Variants in ARIH1 observed in about 807,000 individuals in gnomAD.
ARIH1 encodes the protein E3 ubiquitin-protein ligase ARIH1.
ARIH1 carries 8 observed loss-of-function variants against 85.0 expected under a neutral mutation model. The observed-to-expected ratio is 0.09, with a 90% CI of 0.06 to 0.17. ARIH1 has a LOEUF of 0.17. Ranked by LOEUF, ARIH1 falls within the 10% of genes least tolerant of loss-of-function variation. The probability of loss-of-function intolerance (pLI) is 1.00; values close to 1 mark genes in which losing one functional copy is unlikely to be tolerated. For missense variants in ARIH1, 311 were observed against 718.1 expected (o/e 0.43, Z 6.48); for synonymous variants, 238 against 253.6 (o/e 0.94, Z 0.59).
At chr15:72,531,070 C>T (rs1053293144) in intron 2 of ARIH1, among the ~76,000 whole-genome samples, 1 of 152,144 alleles carries the variant, frequency 6.6e-6, no homozygotes, top group Non-Finnish European at 1.5e-5. Context: ...TCCTAAGATA[C>T]ACAGTTTTTC....
intron 2 of ARIH1, among the ~76,000 whole-genome samples, chr15:72,532,218 A>G (rs1160530374): frequency 6.6e-6 from 1 of 151,966 alleles, no homozygotes; most frequent in African/African-American, 2.4e-5. Flanking sequence ...AGGTTAGGAA[A>G]AAGAGAGATC....
chr15:72,594,748 TACA>T lies in ARIH1; in HGVS notation c.*11457_*11459del, dbSNP rs2064356034. The T allele has an allele frequency of 6.6e-6, 1 of 151,320 alleles. No individual in the cohort carries two copies. Among genetic ancestry groups the T allele is most frequent in the South Asian group, 2.1e-4 (1 of 4,814 alleles). The allele number at this position is 151,320 out of a possible 1,614,324, so 9.4% of individuals were successfully genotyped here. On this transcript the variant is annotated 3_prime_UTR_variant, in exon 14 of 14. Coordinates refer to ENST00000379887, the MANE Select transcript of ARIH1 (RefSeq NM_005744.5). ...TCCGTAGAGTTTTATATTAAATAGATACACAACAGTGTAGTCTGCAAATAATGT... is the reference window on the plus strand; with the variant it reads ...TCCGTAGAGTTTTATATTAAATAGATCAACAGTGTAGTCTGCAAATAATGT...
chr15:72,496,691 C>G, intron 1 of ARIH1: 61 of 461,208 alleles, frequency 1.3e-4, no homozygotes, highest in South Asian at 2.8e-4. Context: ...TTCTGGTTTT[C>G]CCCACCCCTT....
At position 72,592,587 on chromosome 15, in the gene ARIH1, C is replaced by G. The variant is rs1039953407; in HGVS notation, c.*9295C>G. Reference sequence around the variant, plus strand: ...TTTAAATCACCCCTGAGCACCTCCCCACTCCAGTGATCACTTCTTGATTTT... The same window carrying G: ...TTTAAATCACCCCTGAGCACCTCCCGACTCCAGTGATCACTTCTTGATTTT... On this transcript the variant is annotated 3_prime_UTR_variant, in exon 14 of 14. Transcript: ENST00000379887. 6 of 152,178 alleles carry G rather than the reference C, an allele frequency of 3.9e-5. No homozygotes were observed. Among genetic ancestry groups the G allele is most frequent in the African/African-American group, 1.4e-4 (6 of 41,430 alleles). The allele number at this position is 152,178 out of a possible 1,614,324, so 9.4% of individuals were successfully genotyped here. A position where few individuals can be genotyped will look rare whatever the true frequency, so the allele number is the denominator to read the frequency against.
chr15:72,522,223 A>G (rs1026308868), intron 2 of ARIH1, among the ~76,000 whole-genome samples: 4 of 152,188 alleles, frequency 2.6e-5, no homozygotes, highest in African/African-American at 7.2e-5. Flanking sequence ...AAAATGAGGT[A>G]AAAAACTGGG....
chr15:72,589,365 AC>A lies in ARIH1; in HGVS notation c.*6075del, dbSNP rs1311340456. 2 of 152,220 alleles carry A rather than the reference AC, an allele frequency of 1.3e-5. No homozygotes were observed. Among genetic ancestry groups the A allele is most frequent in the African/African-American group, 2.4e-5 (1 of 41,454 alleles). 9.4% of individuals were successfully genotyped at this position (152,220 alleles called of 1,614,324 possible). A position where few individuals can be genotyped will look rare whatever the true frequency, so the allele number is the denominator to read the frequency against. On this transcript the variant is annotated 3_prime_UTR_variant, in exon 14 of 14. Transcript: ENST00000379887. ...AAAACCTAGTTACAATAATAAGCAC[AC>A]CAGTGCTAACTTGGGCAAAAGATAA...
At chr15:72,477,691 T>A (rs1289624077) in intron 1 of ARIH1, among the ~76,000 whole-genome samples, 1 of 152,222 alleles carries the variant, frequency 6.6e-6, no homozygotes, top group African/African-American at 2.4e-5. Context: ...CAATTAACAT[T>A]TAAATAAAAG....
At chr15:72,501,891 GC>G (rs1368350033) in intron 1 of ARIH1, among the ~76,000 whole-genome samples, 1 of 152,034 alleles carries the variant, frequency 6.6e-6, no homozygotes, top group Admixed American at 6.6e-5. Context: ...TATCAATAGG[GC>G]TTTTTTGCCC....
chr15:72,549,068 A>G (rs1020423877), intron 3 of ARIH1, among the ~76,000 whole-genome samples: 1 of 150,394 alleles, frequency 6.6e-6, no homozygotes, highest in Non-Finnish European at 1.5e-5. Context: ...TGTAGCTTCG[A>G]CTACAGCGTC....
At chr15:72,552,486 C>T (rs1029577517) in intron 3 of ARIH1, among the ~76,000 whole-genome samples, 9 of 152,100 alleles carry the variant, frequency 5.9e-5, no homozygotes, top group African/African-American at 2.2e-4. Flanking sequence ...CACAGGGTTT[C>T]GCCATGTTGG....
intron 1 of ARIH1, among the ~76,000 whole-genome samples, chr15:72,506,053 A>T (rs969759665): frequency 1.7e-5 from 2 of 118,594 alleles, no homozygotes; most frequent in African/African-American, 5.6e-5. Context: ...AGCTTTTAAA[A>T]ACTTAGTCAT....
Position 72,596,558 on chromosome 15 carries a change from T to C in ARIH1, c.*13266T>C, listed in dbSNP as rs1481912657. The stretch of plus-strand genomic sequence containing the variant: ...GTCTCATACTCTCTTGCTTCTCCTC[T>C]TCTTTGGAGATTCTAGTTACATGTA... On this transcript the variant is annotated 3_prime_UTR_variant, in exon 14 of 14. Transcript: ENST00000379887. 6.6e-6 allele frequency: 1 copy of C among 152,224 alleles called. No homozygotes were observed. Among genetic ancestry groups the C allele is most frequent in the Non-Finnish European group, 1.5e-5 (1 of 68,042 alleles). 9.4% of individuals were successfully genotyped at this position (152,224 alleles called of 1,614,324 possible).
Position 72,599,977 on chromosome 15 carries a change from C to G in ARIH1, c.*16685C>G, listed in dbSNP as rs1018410339. ...GTGATATTTCCCAGTGTTGGCTGGA[C>G]TCTCAAGCGTTTGTGGTATAGGTTT... On this transcript the variant is annotated 3_prime_UTR_variant, in exon 14 of 14. Coordinates refer to ENST00000379887, the MANE Select transcript of ARIH1 (RefSeq NM_005744.5). 12 of 152,152 alleles carry G rather than the reference C, an allele frequency of 7.9e-5. No homozygotes were observed. Among genetic ancestry groups the G allele is most frequent in the African/African-American group, 2.9e-4 (12 of 41,428 alleles). 9.4% of individuals were successfully genotyped at this position (152,152 alleles called of 1,614,324 possible).
chr15:72,528,066 A>G (rs1012928974), intron 2 of ARIH1, among the ~76,000 whole-genome samples: 4 of 152,180 alleles, frequency 2.6e-5, no homozygotes, highest in African/African-American at 7.2e-5. Flanking sequence ...TTTTAAGTTG[A>G]TAACAAGTAA....
chr15:72,565,326 G>A (rs2064214582), intron 7 of ARIH1, among the ~76,000 whole-genome samples: 1 of 152,140 alleles, frequency 6.6e-6, no homozygotes, highest in Admixed American at 6.5e-5. Flanking sequence ...CTGGCCTCAA[G>A]TAATCCACCT....
rs763980177 is a variant in ARIH1 at position 72,590,333 on chromosome 15, A to C, written c.*7041A>C. 2.6e-5 allele frequency: 4 copies of C among 152,218 alleles called. No individual in the cohort carries two copies. Among genetic ancestry groups the C allele is most frequent in the Non-Finnish European group, 5.9e-5 (4 of 68,046 alleles). 9.4% of individuals were successfully genotyped at this position (152,218 alleles called of 1,614,324 possible). On this transcript the variant is annotated 3_prime_UTR_variant, in exon 14 of 14. Coordinates refer to ENST00000379887, the MANE Select transcript of ARIH1 (RefSeq NM_005744.5). Reference sequence around the variant, plus strand: ...AAATTGTATATAGACTGATTAGGGGACTTCCAACCTAAGATTGTCCTGGAA... The same window carrying C: ...AAATTGTATATAGACTGATTAGGGGCCTTCCAACCTAAGATTGTCCTGGAA...
At chr15:72,537,826 A>G (rs1324131514) in intron 2 of ARIH1, among the ~76,000 whole-genome samples, 1 of 152,174 alleles carries the variant, frequency 6.6e-6, no homozygotes, top group East Asian at 1.9e-4. Flanking sequence ...GCAATCCGAT[A>G]CCCATAAACT....
At chr15:72,528,627 GA>G (rs2064040777) in intron 2 of ARIH1, among the ~76,000 whole-genome samples, 1 of 152,164 alleles carries the variant, frequency 6.6e-6, no homozygotes. Flanking sequence ...ACTGTGGCAG[GA>G]AGATCGCTTG....
chr15:72,569,465 G>A (rs948025249), intron 9 of ARIH1, among the ~76,000 whole-genome samples: 32 of 152,114 alleles, frequency 2.1e-4, no homozygotes, highest in Admixed American at 7.9e-4. Flanking sequence ...TACCAATCAA[G>A]GTCTGATTTC....
Sources: gnomAD v4.1 joint callset for allele counts (sites outside exome capture counted in the v4.1 genomes callset) on GRCh38, gnomAD v4.1.1 for gene constraint, MANE v1.5 for transcripts, NCBI Gene and HGNC (gene_info 2026-07-23, HGNC 2026-07-21) for gene names.